Variants in MUC5B observed in about 807,000 individuals in gnomAD.
MUC5B encodes mucin-5B.
A neutral mutation model predicts 376.9 loss-of-function variants in MUC5B; 116 were observed. The ratio of observed to expected loss-of-function variants is 0.31; its 90% CI spans 0.26 to 0.36. The LOEUF is 0.36. Ranked by LOEUF, MUC5B falls within the 10% of genes least tolerant of loss-of-function variation. The pLI is 1.00. For missense variants in MUC5B, 7,165 were observed against 7,769.9 expected (o/e 0.92, Z 2.93); for synonymous variants, 3,517 against 3,390.9 (o/e 1.04, Z -1.29).
chr11:1,256,817 A>G (rs1049732417), intron 39 of MUC5B, 46 bp downstream of exon 39: 6 of 1,448,442 alleles, frequency 4.1e-6, no homozygotes, highest in Non-Finnish European at 5.5e-6. Context: ...GGCCCGACCC[A>G]AGCACACACA....
intron 12 of MUC5B, 51 bp from the exon 13 acceptor site, chr11:1,230,885 C>G (rs916988054): frequency 6.5e-7 from 1 of 1,547,758 alleles, no homozygotes; most frequent in African/African-American, 1.4e-5. Context: ...ATTTGAGAGT[C>G]GGGAATGGGT....
At position 1,243,617 on chromosome 11, in the gene MUC5B, A is replaced by G. The variant is rs1347121144; in HGVS notation, c.6737A>G (p.Gln2246Arg). 1 of 1,609,790 alleles carries G rather than the reference A, an allele frequency of 6.2e-7. No individual in the cohort carries two copies. The highest frequency in any genetic ancestry group is 8.5e-7 in the Non-Finnish European group (1 of 1,178,972). ...CTAGCAGCAACCACCGGTACCACCC[A>G]GCACTCGACTCCAGCCCTTTCCAGC... is the stretch of plus-strand genomic sequence containing the variant. ...HTLAATTGTT[Q>R]HSTPALSSPH... Residue 2246 changes from glutamine to arginine, a missense_variant, in exon 31 of 49, where the codon CAG becomes CGG. Around this residue, in one of 31 missense-constraint regions of MUC5B, gnomAD observed 79 missense variants for 63.0 expected, o/e 1.25. Transcript: ENST00000529681.
At chr11:1,226,348 G>T in intron 3 of MUC5B, 72 bp downstream of exon 3, 2 of 1,515,214 alleles carry the variant, frequency 1.3e-6, no homozygotes, top group South Asian at 2.4e-5. Context: ...CCCAGATCTA[G>T]GGGTGCAGCT....
intron 1 of MUC5B, chr11:1,223,438 A>G (rs1217099159): frequency 1.7e-6 from 1 of 582,440 alleles, no homozygotes; most frequent in Admixed American, 2.4e-5. Flanking sequence ...CCCTGACCGC[A>G]GGGCAAGGCC....
At chr11:1,238,024 G>T (rs1243511399) in intron 25 of MUC5B, among the ~76,000 whole-genome samples, 1 of 152,224 alleles carries the variant, frequency 6.6e-6, no homozygotes, top group East Asian at 1.9e-4. Flanking sequence ...AGGCCCTGAA[G>T]CACTCTCATG....
At position 1,252,340 on chromosome 11, in the gene MUC5B, C is replaced by T. The variant is rs1862726262; in HGVS notation, c.14864-3C>T. 6.5e-7 allele frequency: 1 copy of T among 1,544,194 alleles called. No individual in the cohort carries two copies. The highest frequency in any genetic ancestry group is 2.0e-5 in the Admixed American group (1 of 50,456). On this transcript the variant is annotated splice_polypyrimidine_tract_variant and splice_region_variant and intron_variant, in intron 31 of 48. Transcript: ENST00000529681. The stretch of plus-strand genomic sequence containing the variant: ...TATCTTTCTATGGTGTTGTTCTTCA[C>T]AGGGGAAGTCATCTACAATAAGACC...
Position 1,257,776 on chromosome 11 carries a change from G to T in MUC5B, c.16450+66G>T. On this transcript the variant is annotated intron_variant, in intron 41 of 48. Coordinates refer to ENST00000529681, the MANE Select transcript of MUC5B (RefSeq NM_002458.3). This position sits in a 1 kb window ranked among gnomAD's most constrained non-coding sequence, Gnocchi z 8.9. ...GGGGGACAGAGCCGGTGCCCACCAG[G>T]GGCCTGTGGGTTGGGCACAGGAGAG... 1 of 1,482,026 alleles carries T rather than the reference G, an allele frequency of 6.7e-7. No homozygotes were observed. The highest frequency in any genetic ancestry group is 1.3e-5 in the South Asian group (1 of 76,984). 91.8% of individuals were successfully genotyped at this position (1,482,026 alleles called of 1,614,324 possible). A position where few individuals can be genotyped will look rare whatever the true frequency, so the allele number is the denominator to read the frequency against.
In MUC5B at chr11:1,257,467, A is replaced by G. The variant is rs1052784008; in HGVS notation, c.16270-63A>G. On this transcript the variant is annotated intron_variant, in intron 40 of 48. Coordinates refer to ENST00000529681, the MANE Select transcript of MUC5B (RefSeq NM_002458.3). The surrounding 1 kb of genome is among the most constrained non-coding windows in gnomAD (Gnocchi z 8.9). ...AGCCCGAGGGAGGGGGTGGCTGGACAGATGCCCAGGGTTGACCTGTGTCTG... is the reference window on the plus strand; with the variant it reads ...AGCCCGAGGGAGGGGGTGGCTGGACGGATGCCCAGGGTTGACCTGTGTCTG... 167 of 1,574,586 alleles carry G rather than the reference A, an allele frequency of 1.1e-4. No homozygotes were observed. The highest frequency in any genetic ancestry group is 1.3e-4 in the Non-Finnish European group (150 of 1,156,650).
chr11:1,234,408 G>T lies in MUC5B; in HGVS notation c.2478+103G>T. 6.7e-7 allele frequency: 1 copy of T among 1,499,856 alleles called. No homozygotes were observed. The highest frequency in any genetic ancestry group is 9.0e-7 in the Non-Finnish European group (1 of 1,108,510). The allele number at this position is 1,499,856 out of a possible 1,614,324, so 92.9% of individuals were successfully genotyped here. A position where few individuals can be genotyped will look rare whatever the true frequency, so the allele number is the denominator to read the frequency against. ...GGTCCTGGAGACACTTACCCACCTG[G>T]AAGCTCCGCCCTGGCCCATGCGTTG... is the stretch of plus-strand genomic sequence containing the variant. On this transcript the variant is annotated intron_variant, in intron 20 of 48. Coordinates refer to ENST00000529681, the MANE Select transcript of MUC5B (RefSeq NM_002458.3). The surrounding 1 kb of genome is among the most constrained non-coding windows in gnomAD (Gnocchi z 6.3).
Position 1,250,310 on chromosome 11 carries a change from G to T in MUC5B, c.13430G>T (p.Gly4477Val). ...GCCTCCTCCACCCAGGCAACTGCTGGCACCCCACATGTGAGCACCACGGCC... is the reference window on the plus strand; with the variant it reads ...GCCTCCTCCACCCAGGCAACTGCTGTCACCCCACATGTGAGCACCACGGCC... ...ATASSTQATA[G>V]TPHVSTTATT... The change falls in exon 31 of 49, where the codon GGC (glycine) becomes GTC (valine). Residue 4477 changes from glycine to valine, a missense_variant. Coordinates refer to ENST00000529681, the MANE Select transcript of MUC5B (RefSeq NM_002458.3). The T allele has an allele frequency of 6.2e-7, 1 of 1,611,002 alleles. No individual in the cohort carries two copies. Among genetic ancestry groups the T allele is most frequent in the East Asian group, 2.2e-5 (1 of 44,744 alleles).
In MUC5B at chr11:1,254,102, C is replaced by T; in HGVS notation, c.15228C>T (p.Ser5076=). ...DFHYECECIC[S]MWGGSHYSTF... Reference sequence around the variant, plus strand: ...ATCTCTGTCCCGCAGGCATCTGCAGCATGTGGGGCGGCTCCCACTATTCCA... The same window carrying T: ...ATCTCTGTCCCGCAGGCATCTGCAGTATGTGGGGCGGCTCCCACTATTCCA... Residue 5076 remains serine (S), a synonymous_variant, in exon 34 of 49, where the codon AGC becomes AGT. Coordinates refer to ENST00000529681, the MANE Select transcript of MUC5B (RefSeq NM_002458.3). The T allele has an allele frequency of 1.2e-6, 2 of 1,611,952 alleles. No individual in the cohort carries two copies. Among genetic ancestry groups the T allele is most frequent in the Non-Finnish European group, 1.7e-6 (2 of 1,179,756 alleles).
At position 1,229,306 on chromosome 11, in the gene MUC5B, T is replaced by C; in HGVS notation, c.1102+11T>C. On this transcript the variant is annotated intron_variant, in intron 9 of 48. Transcript: ENST00000529681. The stretch of plus-strand genomic sequence containing the variant: ...GCTTCTGCCCCCCAGGCAGGTCTTG[T>C]GTGCCCTGAACCCCTCAGGGGGCTT... 6.4e-7 allele frequency: 1 copy of C among 1,561,374 alleles called. No individual in the cohort carries two copies.
At position 1,243,461 on chromosome 11, in the gene MUC5B, T is replaced by C. The variant is rs2943502; in HGVS notation, c.6581T>C (p.Met2194Thr). 853,664 of 1,365,212 alleles carry C rather than the reference T, an allele frequency of 0.63. 339,665 individuals carry two copies. The highest frequency in any genetic ancestry group is 0.98 in the East Asian group (36,520 of 37,142). The allele number at this position is 1,365,212 out of a possible 1,614,324, so 84.6% of individuals were successfully genotyped here. ...TTHTPPVPNTMATTHGRSLPP... is the reference protein window; with the variant it reads ...TTHTPPVPNTTATTHGRSLPP... ...CACACACCCCCAGTGCCGAACACCA[T>C]GGCCACCACACACGGGCGATCCCTG... is the stretch of plus-strand genomic sequence containing the variant. The change falls in exon 31 of 49, where the codon ATG becomes ACG. Residue 2194 changes from methionine to threonine, a missense_variant. Physicochemically the swap from Met to Thr is moderately conservative, Grantham distance 81. Coordinates refer to ENST00000529681, the MANE Select transcript of MUC5B (RefSeq NM_002458.3).
rs539507615 is a variant in MUC5B, at chr11:1,258,850, C to A, written c.16594-92C>A. On this transcript the variant is annotated intron_variant, in intron 43 of 48. Transcript: ENST00000529681. The surrounding 1 kb of genome is among the most constrained non-coding windows in gnomAD (Gnocchi z 5.5). ...ATCTATGCTCCATCTGAGGAAGGAA[C>A]AACTCCCTGCAGGCCCCATTGGGTC... is the stretch of plus-strand genomic sequence containing the variant. 2.0e-6 allele frequency: 3 copies of A among 1,499,782 alleles called. No individual in the cohort carries two copies. Among genetic ancestry groups the A allele is most frequent in the Non-Finnish European group, 2.7e-6 (3 of 1,116,886 alleles). 92.9% of individuals were successfully genotyped at this position (1,499,782 alleles called of 1,614,324 possible). A position where few individuals can be genotyped will look rare whatever the true frequency, so the allele number is the denominator to read the frequency against.
rs540785202 is a variant in MUC5B, at chr11:1,245,817, T to C, written c.8937T>C (p.Ser2979=). Reference sequence around the variant, plus strand: ...GCCCCAGCACCCCGGCCACCAGCTCTACGGCCACGCCCTCCTCCACTCCAG... The same window carrying C: ...GCCCCAGCACCCCGGCCACCAGCTCCACGGCCACGCCCTCCTCCACTCCAG... ...GHCPSTPATS[S]TATPSSTPGT... The change falls in exon 31 of 49, where the codon TCT becomes TCC. Residue 2979 remains serine, a synonymous_variant. Coordinates refer to ENST00000529681, the MANE Select transcript of MUC5B (RefSeq NM_002458.3). 2.5e-6 allele frequency: 4 copies of C among 1,613,188 alleles called. No homozygotes were observed. In the African/African-American group the frequency reaches 4.0e-5, roughly 16 times the overall value.
chr11:1,257,717 C>T lies in MUC5B; in HGVS notation c.16450+7C>T, dbSNP rs199574695. 169 of 1,540,750 alleles carry T rather than the reference C, an allele frequency of 1.1e-4. No individual in the cohort carries two copies. Among genetic ancestry groups the T allele is most frequent in the African/African-American group, 2.3e-4 (17 of 73,398 alleles). On this transcript the variant is annotated splice_region_variant and intron_variant, in intron 41 of 48. Coordinates refer to ENST00000529681, the MANE Select transcript of MUC5B (RefSeq NM_002458.3). This position sits in a 1 kb window ranked among gnomAD's most constrained non-coding sequence, Gnocchi z 8.9. Reference sequence around the variant, plus strand: ...TGCCCCGAGACGGTGTGCGGTAAGACGCTGCAGAGCAGAGGTGCCCGGCAT... The same window carrying T: ...TGCCCCGAGACGGTGTGCGGTAAGATGCTGCAGAGCAGAGGTGCCCGGCAT...
chr11:1,238,289 C>T (rs577753480), intron 25 of MUC5B, among the ~76,000 whole-genome samples: 1 of 152,216 alleles, frequency 6.6e-6, no homozygotes, highest in Non-Finnish European at 1.5e-5. Context: ...TCTGGGCTCA[C>T]CCCAGTGATC....
In MUC5B at chr11:1,256,275, C is replaced by CTGGT. The variant is rs1294330250; in HGVS notation, c.16136+50_16136+51insTGGT. On this transcript the variant is annotated intron_variant, in intron 38 of 48. Coordinates refer to ENST00000529681, the MANE Select transcript of MUC5B (RefSeq NM_002458.3). ...TTCCCTGCCACCCAGGCCTGCCTGA[C>CTGGT]CGGTCTGGGGGAGCAGGAGGAGGCC... The CTGGT allele has an allele frequency of 9.8e-6, 7 of 713,942 alleles. No individual in the cohort carries two copies. In the African/African-American group the frequency reaches 1.0e-4, roughly 11 times the overall value. 44.2% of individuals were successfully genotyped at this position (713,942 alleles called of 1,614,324 possible).
rs758528992 is a variant in MUC5B at position 1,241,904 on chromosome 11, C to G, written c.5024C>G (p.Thr1675Arg). ...GGTACAGCCACCACGGGAGGCCCCA[C>G]GACGCCTGCAGGCTCCACAGAACCC... is the stretch of plus-strand genomic sequence containing the variant. ...TLGTATTGGP[T>R]TPAGSTEPTV... The change falls in exon 31 of 49, where the codon ACG (threonine) becomes AGG (arginine). Residue 1675 changes from threonine (T) to arginine (R), a missense_variant. Transcript: ENST00000529681. 2 of 1,610,704 alleles carry G rather than the reference C, an allele frequency of 1.2e-6. No individual in the cohort carries two copies. The highest frequency in any genetic ancestry group is 2.7e-5 in the African/African-American group (2 of 74,784).
Sources: allele counts gnomAD v4.1 joint callset (sites outside exome capture counted in the v4.1 genomes callset), GRCh38; gene constraint gnomAD v4.1.1; regional missense constraint gnomAD v4.1.1; non-coding constraint Gnocchi (gnomAD v3.1); transcripts MANE v1.5; gene names NCBI Gene and HGNC (gene_info 2026-07-23, HGNC 2026-07-21).